The following CHRM3 variants were observed in gnomAD, a reference collection of about 807,000 sequenced individuals.
CHRM3 encodes cholinergic receptor muscarinic 3.
Under a neutral mutation model 41.8 loss-of-function variants are expected in CHRM3, and 11 were observed. The ratio of observed to expected loss-of-function variants is 0.26; its 90% confidence interval spans 0.17 to 0.44. The LOEUF is 0.44. Among genes scored for constraint, CHRM3 ranks in the 20% least tolerant of loss-of-function variants. The probability of loss-of-function intolerance (pLI) is 1.00; values close to 1 mark genes in which losing one functional copy is unlikely to be tolerated. For missense variants in CHRM3, 571 were observed against 745.4 expected (o/e 0.77, Z 2.72); for synonymous variants, 297 against 301.4 (o/e 0.99, Z 0.15).
chr1:239,629,117 A>C (rs1197550939), intron 3 of CHRM3: 1 of 133,390 alleles, frequency 7.5e-6, no homozygotes, highest in Non-Finnish European at 1.6e-5. Flanking sequence ...GCCGCCTTGC[A>C]GTTTGATCTC....
intron 2 of CHRM3, among the ~76,000 whole-genome samples, chr1:239,501,699 A>T (rs768514698): frequency 6.6e-6 from 1 of 152,072 alleles, no homozygotes; most frequent in Non-Finnish European, 1.5e-5. Context: ...ACTAAAAAAT[A>T]CAAAAAAAAT....
chr1:239,511,160 G>T (rs1668893232), intron 2 of CHRM3, among the ~76,000 whole-genome samples: 1 of 152,182 alleles, frequency 6.6e-6, no homozygotes, highest in African/African-American at 2.4e-5. Flanking sequence ...TTGGGGAGAA[G>T]TATTAATCGA....
intron 3 of CHRM3, among the ~76,000 whole-genome samples, chr1:239,593,651 A>G (rs975070682): frequency 1.3e-5 from 2 of 152,166 alleles, no homozygotes; most frequent in Non-Finnish European, 2.9e-5. Context: ...ACTTGAGGAT[A>G]CAGTGTCAGG....
At chr1:239,836,973 T>TA (rs5782104) in intron 6 of CHRM3, among the ~76,000 whole-genome samples, 19,191 of 135,330 alleles carry the variant, frequency 0.14, 2,446 homozygotes, top group African/African-American at 0.36. Context: ...GACTCTGTCT[T>TA]AAAAAAAAAA....
intron 6 of CHRM3, among the ~76,000 whole-genome samples, chr1:239,890,133 C>CT (rs1678424888): frequency 6.6e-6 from 1 of 152,010 alleles, no homozygotes; most frequent in Non-Finnish European, 1.5e-5. Flanking sequence ...GAAACCCCGT[C>CT]TCTACCAAAA....
chr1:239,786,697 A>C (rs532348244), intron 5 of CHRM3, among the ~76,000 whole-genome samples: 2 of 150,736 alleles, frequency 1.3e-5, no homozygotes, highest in African/African-American at 4.9e-5. Context: ...CAGGGTGCCG[A>C]GGGCAGGCGG....
chr1:239,667,093 T>G (rs1573208236), intron 4 of CHRM3, among the ~76,000 whole-genome samples: 1 of 152,288 alleles, frequency 6.6e-6, no homozygotes, highest in East Asian at 1.9e-4. Context: ...AGATCATCTT[T>G]ATATTTTCAT....
intron 5 of CHRM3, among the ~76,000 whole-genome samples, chr1:239,813,002 A>C (rs572938): frequency 9.9e-5 from 15 of 152,018 alleles, no homozygotes; most frequent in Admixed American, 9.8e-4. Context: ...TTTTGTGGCC[A>C]GCCACAGTGG....
chr1:239,508,103 T>C (rs1572540594), intron 2 of CHRM3, among the ~76,000 whole-genome samples: 1 of 152,190 alleles, frequency 6.6e-6, no homozygotes, highest in African/African-American at 2.4e-5. Context: ...TTGGAGTCTT[T>C]GGAAATGACT....
chr1:239,485,238 AC>A (rs1373277215), intron 1 of CHRM3, among the ~76,000 whole-genome samples: 3 of 152,038 alleles, frequency 2.0e-5, no homozygotes, highest in Non-Finnish European at 1.5e-5. Context: ...CAAAGGGGAG[AC>A]CCTACTCAGC....
chr1:239,572,288 G>C (rs1661901950), intron 3 of CHRM3, among the ~76,000 whole-genome samples: 1 of 152,218 alleles, frequency 6.6e-6, no homozygotes, highest in Admixed American at 6.5e-5. Flanking sequence ...ATAAAACGGA[G>C]ATGAGATTCC....
chr1:239,699,902 T>A (rs572204445), intron 5 of CHRM3, among the ~76,000 whole-genome samples: 27 of 152,198 alleles, frequency 1.8e-4, no homozygotes, highest in Non-Finnish European at 3.7e-4. Flanking sequence ...CGAACTATAT[T>A]TGATAACACC....
intron 2 of CHRM3, among the ~76,000 whole-genome samples, chr1:239,506,572 G>A (rs1668585641): frequency 6.6e-6 from 1 of 152,212 alleles, no homozygotes; most frequent in Non-Finnish European, 1.5e-5. Flanking sequence ...CAGGGGTGGT[G>A]CCCTCATGGA....
intron 1 of CHRM3, among the ~76,000 whole-genome samples, chr1:239,487,771 A>C (rs1194344805): frequency 6.6e-6 from 1 of 152,068 alleles, no homozygotes; most frequent in Non-Finnish European, 1.5e-5. Context: ...TGTCTAAGGG[A>C]AAAATTGTAT....
intron 5 of CHRM3, among the ~76,000 whole-genome samples, chr1:239,811,201 A>C (rs1378931630): frequency 6.6e-6 from 1 of 152,194 alleles, no homozygotes; most frequent in Non-Finnish European, 1.5e-5. Context: ...GACCCACACA[A>C]TGAGGTTCAT....
At chr1:239,448,475 G>A (rs899918209) in intron 1 of CHRM3, among the ~76,000 whole-genome samples, 2 of 152,074 alleles carry the variant, frequency 1.3e-5, no homozygotes, top group African/African-American at 4.8e-5. Flanking sequence ...ATGAATTATT[G>A]TGCGAAGTTA....
chr1:239,898,647 A>T (rs879658801), intron 6 of CHRM3, among the ~76,000 whole-genome samples: 1 of 152,192 alleles, frequency 6.6e-6, no homozygotes, highest in Non-Finnish European at 1.5e-5. Context: ...TACGCTTTTA[A>T]TTGGTTCAGC....
chr1:239,756,265 A>C, intron 5 of CHRM3, among the ~76,000 whole-genome samples: 1 of 152,186 alleles, frequency 6.6e-6, no homozygotes, highest in East Asian at 1.9e-4. Flanking sequence ...CTCAACACTC[A>C]TTACAGTGAT....
chr1:239,761,957 T>G (rs1247802378), intron 5 of CHRM3, among the ~76,000 whole-genome samples: 1 of 152,194 alleles, frequency 6.6e-6, no homozygotes, highest in Non-Finnish European at 1.5e-5. Flanking sequence ...TGAACGTCCC[T>G]TCCCTGCACT....
Sources: allele counts gnomAD v4.1 joint callset (sites outside exome capture counted in the v4.1 genomes callset), GRCh38; gene constraint gnomAD v4.1.1; transcripts MANE v1.5; gene names NCBI Gene and HGNC (gene_info 2026-07-23, HGNC 2026-07-21).